The following HIF1A variants were observed in gnomAD, a reference collection of about 807,000 sequenced individuals.
HIF1A encodes hypoxia-inducible factor 1-alpha.
In HIF1A, 24 loss-of-function variants were observed where a neutral mutation model predicts 92.7. The ratio of observed to expected loss-of-function variants is 0.26; its 90% CI spans 0.19 to 0.36. The LOEUF is 0.36. Among genes scored for constraint, HIF1A ranks in the 10% least tolerant of loss-of-function variants. HIF1A has a pLI of 1.00. For synonymous variants in HIF1A, 319 were observed against 338.7 expected, an observed-to-expected ratio of 0.94 and a Z score of 0.64; for missense variants, 799 against 998.5, an observed-to-expected ratio of 0.80 and a Z score of 2.69.
intron 1 of HIF1A, among the ~76,000 whole-genome samples, chr14:61,706,491 G>T (rs953214412): frequency 6.6e-6 from 1 of 152,166 alleles, no homozygotes; most frequent in African/African-American, 2.4e-5. Context: ...ACATAGTATT[G>T]TGAAACTCAC....
At chr14:61,712,807 A>G (rs1459337961) in intron 1 of HIF1A, among the ~76,000 whole-genome samples, 1 of 151,626 alleles carries the variant, frequency 6.6e-6, no homozygotes, top group Admixed American at 6.6e-5. Context: ...GTCAAAGTCA[A>G]ACTTACGCAC....
chr14:61,744,679 T>C, intron 12 of HIF1A, 26 bp from the exon 13 acceptor site: 1 of 1,009,496 alleles, frequency 9.9e-7, no homozygotes, highest in Admixed American at 2.3e-5. Flanking sequence ...ACGCTATATT[T>C]TCATTTAGAA....
chr14:61,708,907 T>A (rs2044275978), intron 1 of HIF1A, among the ~76,000 whole-genome samples: 1 of 152,016 alleles, frequency 6.6e-6, no homozygotes, highest in South Asian at 2.1e-4. Flanking sequence ...ACAATACTTC[T>A]TTTTTTTGAA....
Position 61,734,160 on chromosome 14 carries a change from C to G in HIF1A, c.903C>G (p.Thr301=), listed in dbSNP as rs767461441. The G allele has an allele frequency of 6.2e-7, 1 of 1,604,786 alleles. No individual in the cohort carries two copies. The highest frequency in any genetic ancestry group is 8.5e-7 in the Non-Finnish European group (1 of 1,175,686). ...TAGTGTTTACTAAAGGACAAGTCAC[C>G]ACAGGACAGTACAGGATGCTTGCCA... ...HHDMFTKGQV[T]TGQYRMLAKR... is the part of the protein sequence containing the mutation. Residue 301 remains threonine (T), a synonymous_variant, in exon 8 of 15, where the codon ACC becomes ACG. Transcript: ENST00000337138.
chr14:61,742,450 C>G (rs937300537), intron 12 of HIF1A, among the ~76,000 whole-genome samples: 2 of 152,100 alleles, frequency 1.3e-5, no homozygotes, highest in Non-Finnish European at 2.9e-5. Flanking sequence ...TAGATGAACT[C>G]AGAAGTACTT....
chr14:61,735,700 A>G (rs2044626991), intron 8 of HIF1A, among the ~76,000 whole-genome samples: 1 of 152,244 alleles, frequency 6.6e-6, no homozygotes, highest in Admixed American at 6.5e-5. Context: ...AAGATAAACT[A>G]TTGCTCATCA....
At chr14:61,698,336 TA>T (rs578019549) in intron 1 of HIF1A, among the ~76,000 whole-genome samples, 1 of 152,332 alleles carries the variant, frequency 6.6e-6, no homozygotes, top group African/African-American at 2.4e-5. Flanking sequence ...ACCTCTGAGT[TA>T]AGGGTCCCAG....
intron 7 of HIF1A, 69 bp downstream of exon 7, chr14:61,732,593 T>C: frequency 1.1e-6 from 1 of 931,142 alleles, no homozygotes; most frequent in Non-Finnish European, 1.7e-6. Context: ...ACAGTTTGGC[T>C]ACCCATCTAA....
At chr14:61,708,538 C>G (rs1284625028) in intron 1 of HIF1A, among the ~76,000 whole-genome samples, 1 of 152,186 alleles carries the variant, frequency 6.6e-6, no homozygotes, top group Non-Finnish European at 1.5e-5. Context: ...CCAGTTTTCC[C>G]AGCACCATTT....
In HIF1A at chr14:61,746,900, G is replaced by C. The variant is rs746747404; in HGVS notation, c.2330-34G>C. ...TTTAATAAATATTCATTGACTAGAT[G>C]AATGTATACTTAGGTATCTCTTTTG... On this transcript the variant is annotated intron_variant, in intron 14 of 14. Coordinates refer to ENST00000337138, the MANE Select transcript of HIF1A (RefSeq NM_001530.4). The C allele has an allele frequency of 2.6e-6, 4 of 1,514,080 alleles. No homozygotes were observed. In the East Asian group the frequency reaches 9.1e-5, roughly 34 times the overall value. The allele number at this position is 1,514,080 out of a possible 1,614,324, so 93.8% of individuals were successfully genotyped here. A position where few individuals can be genotyped will look rare whatever the true frequency, so the allele number is the denominator to read the frequency against.
intron 12 of HIF1A, among the ~76,000 whole-genome samples, 176 bp downstream of exon 12, chr14:61,741,364 C>CTTTTTT (rs34138408): frequency 7.3e-6 from 1 of 137,048 alleles, no homozygotes; most frequent in Non-Finnish European, 1.5e-5. Context: ...CTTTTTCTTT[C>CTTTTTT]TTTTTTTTTT....
Position 61,720,406 on chromosome 14 carries a change from A to C in HIF1A, c.60A>C (p.Glu20Asp). ...GGATAAGTTCTGAACGTCGAAAAGA[A>C]AAGTCTCGAGATGCAGCCAGATCTC... ...KKKISSERRKEKSRDAARSRR... is the reference protein window; with the variant it reads ...KKKISSERRKDKSRDAARSRR... Residue 20 changes from glutamate to aspartate, a missense_variant, in exon 2 of 15, where the codon GAA becomes GAC. Physicochemically the swap from Glu to Asp is conservative, Grantham distance 45. This residue lies in a region of HIF1A where 516 missense variants were observed against 721.0 expected (regional missense o/e 0.72). Coordinates refer to ENST00000337138, the MANE Select transcript of HIF1A (RefSeq NM_001530.4). 1 of 1,611,430 alleles carries C rather than the reference A, an allele frequency of 6.2e-7. No homozygotes were observed. Among genetic ancestry groups the C allele is most frequent in the Non-Finnish European group, 8.5e-7 (1 of 1,179,286 alleles).
Position 61,695,748 on chromosome 14 carries a change from G to GTC in HIF1A, c.-57_-56insTC. ...CGCGTGTGGAGGGAGCCAGCGCTTA[G>GTC]GCCGGAGCGAGCCTGGGGGCCGCCC... On this transcript the variant is annotated 5_prime_UTR_variant, in exon 1 of 15. Transcript: ENST00000337138. The GTC allele has an allele frequency of 6.4e-7, 1 of 1,556,692 alleles. No individual in the cohort carries two copies. Among genetic ancestry groups the GTC allele is most frequent in the Admixed American group, 1.9e-5 (1 of 51,360 alleles).
intron 1 of HIF1A, among the ~76,000 whole-genome samples, chr14:61,700,899 T>G (rs1385058918): frequency 6.6e-6 from 1 of 152,232 alleles, no homozygotes; most frequent in African/African-American, 2.4e-5. Flanking sequence ...AGGGCTTGTT[T>G]GTGGATAATT....
intron 10 of HIF1A, 72 bp downstream of exon 10, chr14:61,738,445 G>T: frequency 7.5e-7 from 1 of 1,328,554 alleles, no homozygotes; most frequent in South Asian, 1.4e-5. Context: ...TTATAAGTTT[G>T]ATTCAAACAC....
At chr14:61,741,721 A>C (rs1225482797) in intron 12 of HIF1A, among the ~76,000 whole-genome samples, 5 of 152,124 alleles carry the variant, frequency 3.3e-5, no homozygotes, top group Non-Finnish European at 7.4e-5. Context: ...TAAATGGAGG[A>C]GGGTCTTCTG....
intron 1 of HIF1A, among the ~76,000 whole-genome samples, chr14:61,706,579 C>T (rs889867497): frequency 6.6e-6 from 1 of 152,148 alleles, no homozygotes; most frequent in Non-Finnish European, 1.5e-5. Context: ...AAATTATTCT[C>T]GTTTTTCAAA....
chr14:61,726,997 T>C lies in HIF1A; in HGVS notation c.570+179T>C, dbSNP rs17099140. Among the ~76,000 whole-genome samples the C allele has an allele frequency of 8.9e-3, 1,363 of 152,362 alleles. 15 individuals are homozygous for C. The highest frequency in any genetic ancestry group is 0.03 in the African/African-American group (1,260 of 41,590). On this transcript the variant is annotated intron_variant, in intron 5 of 14. Coordinates refer to ENST00000337138, the MANE Select transcript of HIF1A (RefSeq NM_001530.4). Reference sequence around the variant, plus strand: ...CAAAATGCAGAACCGTGTAGTAATTTGCCAATTTGAGGCACAAACTTAAAT... The same window carrying C: ...CAAAATGCAGAACCGTGTAGTAATTCGCCAATTTGAGGCACAAACTTAAAT...
chr14:61,740,835 G>T lies in HIF1A; in HGVS notation c.1740G>T (p.Leu580Phe). Residue 580 changes from leucine (L) to phenylalanine (F), a missense_variant, in exon 12 of 15, where the codon TTG (leucine) becomes TTT (phenylalanine). Transcript: ENST00000337138. ...DDFQLRSFDQ[L>F]SPLESSSASP... ...TCCAGTTACGTTCCTTCGATCAGTTGTCACCATTAGAAAGCAGTTCCGCAA... is the reference window on the plus strand; with the variant it reads ...TCCAGTTACGTTCCTTCGATCAGTTTTCACCATTAGAAAGCAGTTCCGCAA... 6.2e-7 allele frequency: 1 copy of T among 1,614,074 alleles called. No homozygotes were observed. Among genetic ancestry groups the T allele is most frequent in the Non-Finnish European group, 8.5e-7 (1 of 1,179,970 alleles).
Sources: allele counts gnomAD v4.1 joint callset (sites outside exome capture counted in the v4.1 genomes callset), GRCh38; gene constraint gnomAD v4.1.1; regional missense constraint gnomAD v4.1.1; transcripts MANE v1.5; gene names NCBI Gene and HGNC (gene_info 2026-07-23, HGNC 2026-07-21).